AGT: variants seen among roughly 807,000 people sequenced by gnomAD.
AGT encodes the protein angiotensinogen, also known as alpha-1 antiproteinase, antitrypsin.
Under a neutral mutation model 28.1 loss-of-function variants are expected in AGT, and 26 were observed. The ratio of observed to expected loss-of-function variants is 0.92; its 90% CI spans 0.68 to 1.28. The LOEUF (loss-of-function observed/expected upper bound fraction) is 1.28. AGT is among the 50% of genes most tolerant of loss of function. AGT has a pLI of 0.00. For missense variants in AGT, 596 were observed against 592.3 expected (o/e 1.01, Z -0.06); for synonymous variants, 259 against 259.6 (o/e 1.00, Z 0.02).
intron 1 of AGT, among the ~76,000 whole-genome samples, chr1:230,726,501 A>T (rs1663944890): frequency 6.6e-6 from 1 of 152,186 alleles, no homozygotes; most frequent in Admixed American, 6.5e-5. Flanking sequence ...AACCAAAAAA[A>T]AAAGACTTCA....
At chr1:230,738,825 G>A (rs1367949616) in intron 1 of AGT, among the ~76,000 whole-genome samples, 1 of 152,182 alleles carries the variant, frequency 6.6e-6, no homozygotes. Context: ...AACTGTAGAT[G>A]TAGGTGATAA....
chr1:230,720,154 T>A (rs934014530), intron 1 of AGT, among the ~76,000 whole-genome samples: 1 of 152,118 alleles, frequency 6.6e-6, no homozygotes, highest in Admixed American at 6.6e-5. Flanking sequence ...GGGGTTAATA[T>A]GAAACACGTG....
At chr1:230,734,221 A>G (rs931258146) in intron 1 of AGT, among the ~76,000 whole-genome samples, 3 of 152,330 alleles carry the variant, frequency 2.0e-5, no homozygotes, top group Middle Eastern at 3.4e-3. Context: ...AATAGAAAGG[A>G]CATTCTGACA....
At chr1:230,744,019 T>C (rs1664296334) in intron 1 of AGT, among the ~76,000 whole-genome samples, 1 of 152,208 alleles carries the variant, frequency 6.6e-6, no homozygotes, top group African/African-American at 2.4e-5. Flanking sequence ...AAAATACACT[T>C]AACATGATGC....
chr1:230,725,426 G>T (rs1663922786), intron 1 of AGT, among the ~76,000 whole-genome samples: 1 of 152,144 alleles, frequency 6.6e-6, no homozygotes, highest in Admixed American at 6.5e-5. Flanking sequence ...AGACTTATTT[G>T]CCCTTATACT....
intron 1 of AGT, among the ~76,000 whole-genome samples, chr1:230,711,202 G>A (rs1260021399): frequency 6.6e-6 from 1 of 152,118 alleles, no homozygotes; most frequent in Non-Finnish European, 1.5e-5. Context: ...GGTGAGCCCT[G>A]ATCTAATATG....
At chr1:230,737,414 C>A (rs114477628) in intron 1 of AGT, among the ~76,000 whole-genome samples, 1 of 152,034 alleles carries the variant, frequency 6.6e-6, no homozygotes, top group Admixed American at 6.6e-5. Flanking sequence ...CAGGTTCAAG[C>A]GATTCCCTGG....
At chr1:230,735,219 A>G (rs933416374) in intron 1 of AGT, among the ~76,000 whole-genome samples, 7 of 151,686 alleles carry the variant, frequency 4.6e-5, no homozygotes, top group African/African-American at 1.7e-4. Flanking sequence ...TCCTTCCACT[A>G]CCTCCCAGAG....
chr1:230,743,026 C>T (rs1036788113), intron 1 of AGT, among the ~76,000 whole-genome samples: 3 of 152,028 alleles, frequency 2.0e-5, no homozygotes, highest in Non-Finnish European at 4.4e-5. Flanking sequence ...GAGTCTCGCT[C>T]CTCGCCCAGG....
intron 1 of AGT, among the ~76,000 whole-genome samples, chr1:230,727,372 G>A (rs551271748): frequency 6.9e-4 from 105 of 152,276 alleles, no homozygotes; most frequent in Non-Finnish European, 1.2e-3. Flanking sequence ...GTCCTCCCAG[G>A]AGGAAAATAT....
intron 1 of AGT, among the ~76,000 whole-genome samples, chr1:230,729,835 C>T (rs1482075145): frequency 6.6e-6 from 1 of 152,088 alleles, no homozygotes; most frequent in Non-Finnish European, 1.5e-5. Context: ...TTCTACTCTT[C>T]TCTAACCTGT....
intron 1 of AGT, among the ~76,000 whole-genome samples, chr1:230,741,395 C>A (rs1351334257): frequency 6.6e-6 from 1 of 152,224 alleles, no homozygotes; most frequent in Non-Finnish European, 1.5e-5. Flanking sequence ...AGCCTATGCG[C>A]CTACAAGCTG....
Position 230,732,288 on chromosome 1 carries a change from A to T in AGT, c.-31+13227T>A, listed in dbSNP as rs368316001. On this transcript the variant is annotated intron_variant, in intron 1 of 4. Coordinates refer to the AGT transcript ENST00000681269. ...AGAGTTGGAATGATACGCATGAGCC[A>T]CCGAGCCTGGCCACAGTGAGCATTT... Among the ~76,000 whole-genome samples, 119 of 152,234 alleles carry T rather than the reference A, an allele frequency of 7.8e-4. 1 individual carries two copies. The highest frequency in any genetic ancestry group is 2.9e-3 in the African/African-American group (119 of 41,534).
intron 1 of AGT, among the ~76,000 whole-genome samples, chr1:230,737,869 C>T (rs1664183030): frequency 6.6e-6 from 1 of 152,140 alleles, no homozygotes; most frequent in Non-Finnish European, 1.5e-5. Context: ...AAGCCTTTAG[C>T]CATCACCCCC....
intron 1 of AGT, among the ~76,000 whole-genome samples, chr1:230,734,749 G>A (rs574080745): frequency 4.6e-5 from 7 of 151,730 alleles, no homozygotes; most frequent in South Asian, 2.1e-4. Flanking sequence ...TCGCTCTGTC[G>A]CCCAGGCTGG....
intron 1 of AGT, among the ~76,000 whole-genome samples, chr1:230,734,032 C>G (rs1389239163): frequency 1.3e-5 from 2 of 152,150 alleles, no homozygotes; most frequent in Non-Finnish European, 2.9e-5. Context: ...CATGTATTTT[C>G]TCTTTCTCTT....
chr1:230,714,912 C>G (rs2071405), upstream of AGT, among the ~76,000 whole-genome samples: 1 of 152,082 alleles, frequency 6.6e-6, no homozygotes, highest in Non-Finnish European at 1.5e-5. Context: ...CAGGGCATGA[C>G]AGAGACCTTG....
chr1:230,739,136 T>C lies in AGT; in HGVS notation c.-31+6379A>G, dbSNP rs150913934. 3.4e-3 allele frequency among the ~76,000 whole-genome samples: 512 copies of C among 151,386 alleles called. 3 individuals carry two copies. Among genetic ancestry groups the C allele is most frequent in the Middle Eastern group, 0.024 (7 of 288 alleles). On this transcript the variant is annotated intron_variant, in intron 1 of 4. Transcript: ENST00000681269. ...ACTTTGGGAGGCCAAGGCAGGAGAA[T>C]CATTTGAAGCTAGGAGTTCAAGACC... is the stretch of plus-strand genomic sequence containing the variant.
At chr1:230,705,001 T>C (rs962242133) in intron 3 of AGT, among the ~76,000 whole-genome samples, 1 of 152,182 alleles carries the variant, frequency 6.6e-6, no homozygotes, top group African/African-American at 2.4e-5. Flanking sequence ...TGCAATGGAA[T>C]ATTATTCAGC....
Sources: gnomAD v4.1 joint callset for allele counts (sites outside exome capture counted in the v4.1 genomes callset) on GRCh38, gnomAD v4.1.1 for gene constraint, MANE v1.5 for transcripts, NCBI Gene and HGNC (gene_info 2026-07-23, HGNC 2026-07-21) for gene names.